Variants in LETM2 observed in about 807,000 individuals in gnomAD.
LETM2 encodes leucine zipper and EF-hand containing transmembrane protein 2, also known as LETM1 domain-containing protein LETM2, mitochondrial.
A neutral mutation model predicts 59.6 loss-of-function variants in LETM2; 58 were observed. That is an observed-to-expected ratio of 0.97 (90% CI 0.79 to 1.21). LETM2 has a LOEUF of 1.21. LETM2 is among the 50% of genes most tolerant of loss of function. The pLI is 0.00. For missense variants in LETM2, 572 were observed against 575.7 expected (o/e 0.99, Z 0.07); for synonymous variants, 199 against 214.1 (o/e 0.93, Z 0.62).
intron 8 of LETM2, among the ~76,000 whole-genome samples, chr8:38,405,262 T>C (rs1175735211): frequency 6.6e-6 from 1 of 152,132 alleles, no homozygotes; most frequent in African/African-American, 2.4e-5. Context: ...TCCTTAATCA[T>C]TTTTCTTCCT....
intron 10 of LETM2, chr8:38,407,961 G>C (rs1239340661): frequency 8.5e-6 from 4 of 470,636 alleles, no homozygotes; most frequent in Non-Finnish European, 1.5e-5. Flanking sequence ...GGCTCCTGTG[G>C]ACCAAAGACA....
intron 2 of LETM2, among the ~76,000 whole-genome samples, chr8:38,390,084 G>C (rs1460313238): frequency 6.6e-6 from 1 of 151,944 alleles, no homozygotes; most frequent in East Asian, 1.9e-4. Context: ...AGCTGGGCGT[G>C]GTGGTGCGGG....
At chr8:38,395,061 T>C (rs531580212) in intron 4 of LETM2, among the ~76,000 whole-genome samples, 3 of 152,316 alleles carry the variant, frequency 2.0e-5, no homozygotes, top group African/African-American at 7.2e-5. Context: ...TGCTCAATTC[T>C]TTTTATCACT....
At chr8:38,404,528 G>C in intron 8 of LETM2, 22 bp downstream of exon 8, 1 of 1,480,950 alleles carries the variant, frequency 6.8e-7, no homozygotes, top group Non-Finnish European at 9.4e-7. Context: ...GGTTAATGGG[G>C]ACCCTCGACG....
Position 38,392,819 on chromosome 8 carries a change from A to G in LETM2, c.325A>G (p.Lys109Glu). The change falls in exon 3 of 11, where the codon AAA becomes GAA. Residue 109 changes from lysine (K) to glutamate (E), a missense_variant. Coordinates refer to ENST00000379957, the MANE Select transcript of LETM2 (RefSeq NM_001286819.2). ...ACAGGTGACAAGCCCTCAGGCCACA[A>G]AAGAAACTGGCATGGAGATTAAAGA... Reference protein sequence around the residue: ...HPQVTSPQATKETGMEIKEGK... With the variant: ...HPQVTSPQATEETGMEIKEGK... 6.2e-7 allele frequency: 1 copy of G among 1,614,174 alleles called. No homozygotes were observed. Among genetic ancestry groups the G allele is most frequent in the Non-Finnish European group, 8.5e-7 (1 of 1,180,042 alleles).
intron 7 of LETM2, among the ~76,000 whole-genome samples, chr8:38,402,923 T>G (rs1326248687): frequency 6.6e-6 from 1 of 152,160 alleles, no homozygotes; most frequent in Non-Finnish European, 1.5e-5. Context: ...CACGCTGTGC[T>G]CCTTTGGAGG....
In LETM2 at chr8:38,400,380, T is replaced by G. The variant is rs987754899; in HGVS notation, c.754T>G (p.Ser252Ala). The change falls in exon 5 of 11, where the codon TCT becomes GCT. Residue 252 changes from serine (S) to alanine (A), a missense_variant. Transcript: ENST00000379957. Reference sequence around the variant, plus strand: ...GAACAGAGCCAAGATGGGCGATGCCTCTACACAGCTCTCATCCTACGTGAA... The same window carrying G: ...GAACAGAGCCAAGATGGGCGATGCCGCTACACAGCTCTCATCCTACGTGAA... ...RRNRAKMGDA[S>A]TQLSSYVKQV... 1.2e-6 allele frequency: 2 copies of G among 1,606,198 alleles called. No individual in the cohort carries two copies. The highest frequency in any genetic ancestry group is 1.7e-6 in the Non-Finnish European group (2 of 1,177,256).
chr8:38,390,048 T>C (rs1261165150), intron 2 of LETM2, among the ~76,000 whole-genome samples: 1 of 140,654 alleles, frequency 7.1e-6, no homozygotes, highest in Non-Finnish European at 1.5e-5. Flanking sequence ...TAGCAAGACC[T>C]CATCTCTACA....
At chr8:38,395,271 CT>C (rs1389577289) in intron 4 of LETM2, among the ~76,000 whole-genome samples, 2 of 152,162 alleles carry the variant, frequency 1.3e-5, no homozygotes, top group African/African-American at 4.8e-5. Flanking sequence ...TATGGTAAGA[CT>C]ATGTTTAGCT....
In LETM2 at chr8:38,408,270, C is replaced by A. The variant is rs1586039246; in HGVS notation, c.1472C>A (p.Ala491Glu). 1 of 1,612,330 alleles carries A rather than the reference C, an allele frequency of 6.2e-7. No individual in the cohort carries two copies. The highest frequency in any genetic ancestry group is 1.3e-5 in the African/African-American group (1 of 75,006). Reference sequence around the variant, plus strand: ...AACAGCAAGGCTAGTTCAAAAGGAGCATAAAGGACTACTTGAGGATGGAGC... The same window carrying A: ...AACAGCAAGGCTAGTTCAAAAGGAGAATAAAGGACTACTTGAGGATGGAGC... ...AQNSKASSKG[A>E] The change falls in exon 11 of 11, where the codon GCA (alanine) becomes GAA (glutamate). Residue 491 changes from alanine to glutamate, a missense_variant. By Grantham distance (107) the Ala-to-Glu change is moderately radical (BLOSUM62 -1). Coordinates refer to ENST00000379957, the MANE Select transcript of LETM2 (RefSeq NM_001286819.2).
chr8:38,383,071 C>G (rs1563377069), upstream of LETM2: 1 of 152,236 alleles, frequency 6.6e-6, no homozygotes, highest in African/African-American at 2.4e-5. Context: ...GCCCCCCAGC[C>G]GCGGGGGACC....
chr8:38,391,323 T>C (rs1482141997), intron 2 of LETM2, among the ~76,000 whole-genome samples: 2 of 146,956 alleles, frequency 1.4e-5, no homozygotes, highest in African/African-American at 5.0e-5. Flanking sequence ...TTTTTTTTTT[T>C]AGACAAGTCT....
At position 38,397,148 on chromosome 8, in the gene LETM2, C is replaced by T. The variant is rs551985262; in HGVS notation, c.645+2907C>T. The T allele has an allele frequency of 2.2e-5, 10 of 454,992 alleles. No individual in the cohort carries two copies. In the East Asian group the frequency reaches 7.0e-4, roughly 32 times the overall value. The allele number at this position is 454,992 out of a possible 1,614,324, so 28.2% of individuals were successfully genotyped here. On this transcript the variant is annotated intron_variant, in intron 4 of 10. Transcript: ENST00000379957. ...ACAGCATATGGTAAGAAAGTGTGAA[C>T]AAAACATTATGAGAAGACAAAAAGT...
At chr8:38,391,451 T>G (rs966937809) in intron 2 of LETM2, among the ~76,000 whole-genome samples, 1 of 151,110 alleles carries the variant, frequency 6.6e-6, no homozygotes, top group Admixed American at 6.6e-5. Context: ...TACAGGCACG[T>G]GCCACCACGC....
chr8:38,408,291 G>A lies in LETM2; in HGVS notation c.*17G>A, dbSNP rs772424372. The A allele has an allele frequency of 2.5e-6, 4 of 1,607,632 alleles. No individual in the cohort carries two copies. In the Admixed American group the frequency reaches 5.0e-5, roughly 20 times the overall value. On this transcript the variant is annotated 3_prime_UTR_variant, in exon 11 of 11. Transcript: ENST00000379957. ...GGAGCATAAAGGACTACTTGAGGAT[G>A]GAGCTCACTCTCTTCAGCTTCCGGC...
chr8:38,407,087 A>G (rs756134016), intron 9 of LETM2, 49 bp downstream of exon 9: 13 of 1,124,404 alleles, frequency 1.2e-5, no homozygotes, highest in Non-Finnish European at 1.6e-5. Flanking sequence ...AAATGAAAAT[A>G]GCAATGGGTC....
At chr8:38,393,219 A>C in intron 3 of LETM2, 1 of 482,942 alleles carries the variant, frequency 2.1e-6, no homozygotes, top group Non-Finnish European at 3.6e-6. Context: ...TTTAAAAAAA[A>C]CTTTTATTTT....
chr8:38,390,181 T>C (rs964568816), intron 2 of LETM2, among the ~76,000 whole-genome samples: 1 of 151,538 alleles, frequency 6.6e-6, no homozygotes, highest in Non-Finnish European at 1.5e-5. Flanking sequence ...CCAGCCTCGG[T>C]TTTTAACACC....
chr8:38,393,059 C>A, intron 3 of LETM2, 64 bp downstream of exon 3: 1 of 1,337,974 alleles, frequency 7.5e-7, no homozygotes, highest in Non-Finnish European at 1.0e-6. Context: ...GGGAACTCAA[C>A]TATTTAAATT....
Sources: allele counts gnomAD v4.1 joint callset (sites outside exome capture counted in the v4.1 genomes callset), GRCh38; gene constraint gnomAD v4.1.1; transcripts MANE v1.5; gene names NCBI Gene and HGNC (gene_info 2026-07-23, HGNC 2026-07-21).